KIF18A: variants seen among roughly 807,000 people sequenced by gnomAD.
KIF18A encodes kinesin-like protein KIF18A.
KIF18A carries 67 observed loss-of-function variants against 103.3 expected under a neutral mutation model. The ratio of observed to expected loss-of-function variants is 0.65; its 90% confidence interval spans 0.53 to 0.79. The LOEUF (loss-of-function observed/expected upper bound fraction) is 0.79, where lower values mean the gene tolerates loss of function less well. Among genes scored for constraint, KIF18A ranks in the 30% least tolerant of loss-of-function variants. The pLI, the probability that KIF18A is intolerant of heterozygous loss-of-function variation, is 0.00. For missense variants in KIF18A, 1,032 were observed against 1,062.5 expected (o/e 0.97, Z 0.40); for synonymous variants, 367 against 355.5 (o/e 1.03, Z -0.36).
Position 28,035,494 on chromosome 11 carries a change from C to T in KIF18A, c.2397G>A (p.Arg799=). Residue 799 remains arginine (R), a splice_region_variant and synonymous_variant, in exon 15 of 17, where the codon CGG becomes CGA. Transcript: ENST00000263181. The part of the protein sequence containing the change: ...LPNDNKDILQ[R]LDPSSFSTKH... Reference sequence around the variant, plus strand: ...TAGTTGAGAATGAAGAAGGATCAAGCCTGTATATTAATAGTGACAAATAAA... The same window carrying T: ...TAGTTGAGAATGAAGAAGGATCAAGTCTGTATATTAATAGTGACAAATAAA... 1 of 1,546,142 alleles carries T rather than the reference C, an allele frequency of 6.5e-7. No individual in the cohort carries two copies. Among genetic ancestry groups the T allele is most frequent in the Non-Finnish European group, 8.8e-7 (1 of 1,136,472 alleles).
chr11:28,024,375 T>C (rs1850286413), intron 15 of KIF18A, among the ~76,000 whole-genome samples: 2 of 152,026 alleles, frequency 1.3e-5, no homozygotes, highest in South Asian at 2.1e-4. Flanking sequence ...CTGTTTTCAT[T>C]TGCTCTAGCT....
chr11:28,022,220 A>G (rs1490589820), intron 16 of KIF18A, among the ~76,000 whole-genome samples: 3 of 151,538 alleles, frequency 2.0e-5, no homozygotes, highest in Non-Finnish European at 4.4e-5. Flanking sequence ...ATGAATTTGT[A>G]TCTTCAGATA....
At position 28,062,012 on chromosome 11, in the gene KIF18A, T is replaced by C. The variant is rs1353405733; in HGVS notation, c.1712+383A>G. ...ATGACAGCAAAAAATTCTGGAATTATGAATAATTAACAATTGCCTACTTAA... is the reference window on the plus strand; with the variant it reads ...ATGACAGCAAAAAATTCTGGAATTACGAATAATTAACAATTGCCTACTTAA... On this transcript the variant is annotated intron_variant, in intron 12 of 16. Transcript: ENST00000263181. Among the ~76,000 whole-genome samples the C allele has an allele frequency of 2.0e-5, 3 of 152,058 alleles. No individual in the cohort carries two copies. In the East Asian group the frequency reaches 5.8e-4, roughly 29 times the overall value.
At chr11:28,044,751 A>G (rs916315287) in intron 13 of KIF18A, among the ~76,000 whole-genome samples, 1 of 151,604 alleles carries the variant, frequency 6.6e-6, no homozygotes, top group Non-Finnish European at 1.5e-5. Context: ...GCATGCACTG[A>G]AATCATGGAT....
At chr11:28,057,903 C>CTT (rs1850802388) in intron 13 of KIF18A, among the ~76,000 whole-genome samples, 1 of 152,106 alleles carries the variant, frequency 6.6e-6, no homozygotes, top group African/African-American at 2.4e-5. Context: ...AACCAATAAA[C>CTT]ATAATAAACT....
In KIF18A at chr11:28,036,670, C is replaced by CA; in HGVS notation, c.1949-7dup. On this transcript the variant is annotated splice_region_variant and splice_polypyrimidine_tract_variant and intron_variant, in intron 13 of 16. Transcript: ENST00000263181. ...AGTTCCACCTGAAGATGAGCCTATT[C>CA]AAAAAAATAAAAAAAGACACTCGAT... is the stretch of plus-strand genomic sequence containing the variant. 4 of 1,517,278 alleles carry CA rather than the reference C, an allele frequency of 2.6e-6. No homozygotes were observed. The highest frequency in any genetic ancestry group is 1.3e-5 in the South Asian group (1 of 76,884). The allele number at this position is 1,517,278 out of a possible 1,614,324, so 94.0% of individuals were successfully genotyped here. A position where few individuals can be genotyped will look rare whatever the true frequency, so the allele number is the denominator to read the frequency against.
intron 10 of KIF18A, among the ~76,000 whole-genome samples, chr11:28,071,294 A>G (rs1851010086): frequency 6.6e-6 from 1 of 152,122 alleles, no homozygotes; most frequent in Non-Finnish European, 1.5e-5. Context: ...ATCACAACAG[A>G]ATAACAATTC....
chr11:28,069,320 T>G lies in KIF18A; in HGVS notation c.1529A>C (p.Asn510Thr). Residue 510 changes from asparagine to threonine, a missense_variant, in exon 11 of 17, where the codon AAT (asparagine) becomes ACT (threonine). By Grantham distance (65) the Asn-to-Thr change is moderately conservative. Transcript: ENST00000263181. ...TTCTTTTTCGACACGATGGAGCCAA[T>G]TAGTATTCTCATCAAATTGCTTCAA... Reference protein sequence around the residue: ...EELKQFDENTNWLHRVEKEMG... With the variant: ...EELKQFDENTTWLHRVEKEMG... The G allele has an allele frequency of 6.2e-7, 1 of 1,613,618 alleles. No homozygotes were observed. Among genetic ancestry groups the G allele is most frequent in the Non-Finnish European group, 8.5e-7 (1 of 1,179,694 alleles).
At chr11:28,042,653 C>T (rs1850576266) in intron 13 of KIF18A, among the ~76,000 whole-genome samples, 1 of 151,838 alleles carries the variant, frequency 6.6e-6, no homozygotes, top group Non-Finnish European at 1.5e-5. Flanking sequence ...AAGAATTTCT[C>T]ACTAGAAACA....
At chr11:28,035,663 C>G (rs908957198) in intron 14 of KIF18A, among the ~76,000 whole-genome samples, 169 bp from the exon 15 acceptor site, 2 of 151,560 alleles carry the variant, frequency 1.3e-5, no homozygotes, top group Non-Finnish European at 3.0e-5. Context: ...ATTCTTTTCT[C>G]TTTATAACAC....
chr11:28,085,582 C>A (rs1851217012), intron 6 of KIF18A, among the ~76,000 whole-genome samples: 1 of 152,058 alleles, frequency 6.6e-6, no homozygotes, highest in Non-Finnish European at 1.5e-5. Flanking sequence ...AGGGAAGGGT[C>A]CCCTGTCCTA....
At chr11:28,032,196 A>G (rs1392002844) in intron 15 of KIF18A, among the ~76,000 whole-genome samples, 1 of 151,940 alleles carries the variant, frequency 6.6e-6, no homozygotes, top group Non-Finnish European at 1.5e-5. Context: ...TGAAAACTAT[A>G]AAACACTGAT....
In KIF18A at chr11:28,097,804, T is replaced by C. The variant is rs762237740; in HGVS notation, c.144A>G (p.Gln48=). The C allele has an allele frequency of 2.1e-5, 34 of 1,613,316 alleles. No individual in the cohort carries two copies. Among genetic ancestry groups the C allele is most frequent in the Non-Finnish European group, 2.9e-5 (34 of 1,179,552 alleles). The change falls in exon 2 of 17, where the codon CAA becomes CAG. Residue 48 remains glutamine (Q), a synonymous_variant. Coordinates refer to ENST00000263181, the MANE Select transcript of KIF18A (RefSeq NM_031217.4). ...DKHILVFDPK[Q]EEVSFFHGKK... Reference sequence around the variant, plus strand: ...TTCCATGGAAAAAACTGACTTCTTCTTGTTTGGGATCAAAAACTAGGATAT... The same window carrying C: ...TTCCATGGAAAAAACTGACTTCTTCCTGTTTGGGATCAAAAACTAGGATAT...
intron 13 of KIF18A, among the ~76,000 whole-genome samples, chr11:28,044,755 C>A (rs946435647): frequency 1.3e-5 from 2 of 151,106 alleles, no homozygotes; most frequent in African/African-American, 2.4e-5. Context: ...GCACTGAAAT[C>A]ATGGATTAGA....
At chr11:28,086,457 G>T (rs975020780) in intron 6 of KIF18A, among the ~76,000 whole-genome samples, 3 of 152,100 alleles carry the variant, frequency 2.0e-5, no homozygotes, top group Non-Finnish European at 4.4e-5. Context: ...TTCTGATTTT[G>T]AAGTAACAAA....
chr11:28,102,919 G>A (rs541739863), intron 1 of KIF18A, among the ~76,000 whole-genome samples: 114 of 152,274 alleles, frequency 7.5e-4, no homozygotes, highest in Middle Eastern at 3.4e-3. Context: ...AAGGCACAGA[G>A]AGAGTAAATT....
intron 15 of KIF18A, among the ~76,000 whole-genome samples, chr11:28,032,339 A>T (rs1364486114): frequency 7.9e-5 from 12 of 151,908 alleles, no homozygotes; most frequent in Non-Finnish European, 1.5e-5. Context: ...AATACCAATG[A>T]CACTCTTCAT....
chr11:28,069,441 T>C lies in KIF18A; in HGVS notation c.1426-18A>G, dbSNP rs767815465. 3 of 1,604,634 alleles carry C rather than the reference T, an allele frequency of 1.9e-6. No homozygotes were observed. The highest frequency in any genetic ancestry group is 1.7e-5 in the Admixed American group (1 of 57,838). ...CCAGTGGCCTGAAACACGATTCATT[T>C]AACAGTAAATCTAATTTTTATGATA... On this transcript the variant is annotated intron_variant, in intron 10 of 16. Transcript: ENST00000263181.
intron 5 of KIF18A, 125 bp from the exon 6 acceptor site, chr11:28,088,846 A>G (rs979183986): frequency 2.8e-6 from 2 of 722,786 alleles, no homozygotes; most frequent in Non-Finnish European, 4.6e-6. Flanking sequence ...TGAACAAGGT[A>G]TAATCTAATT....
Sources: gnomAD v4.1 joint callset for allele counts (sites outside exome capture counted in the v4.1 genomes callset) on GRCh38, gnomAD v4.1.1 for gene constraint, MANE v1.5 for transcripts, NCBI Gene and HGNC (gene_info 2026-07-23, HGNC 2026-07-21) for gene names.